The following MAP4K3 variants were observed in gnomAD, a reference collection of about 807,000 sequenced individuals.
The protein encoded by MAP4K3 is mitogen-activated protein kinase kinase kinase kinase 3.
Under a neutral mutation model 143.5 loss-of-function variants are expected in MAP4K3, and 94 were observed. The observed-to-expected ratio is 0.65, with a 90% CI of 0.55 to 0.78. MAP4K3 has a LOEUF of 0.78. Among genes scored for constraint, MAP4K3 ranks in the 30% least tolerant of loss-of-function variants. MAP4K3 has a pLI of 0.00. For missense variants in MAP4K3, 1,077 were observed against 1,068.1 expected (o/e 1.01, Z -0.12); for synonymous variants, 416 against 347.2 (o/e 1.20, Z -2.20).
chr2:39,363,920 C>T (rs1475020997), intron 2 of MAP4K3, among the ~76,000 whole-genome samples: 1 of 145,994 alleles, frequency 6.8e-6, no homozygotes, highest in Non-Finnish European at 1.5e-5. Context: ...AAAAGATGCC[C>T]AACATTACTG....
Position 39,318,492 on chromosome 2 carries a change from A to G in MAP4K3, c.919-3104T>C, listed in dbSNP as rs148451806. ...AAAATGTAGCCTTTAATTTCTAAAC[A>G]TAAATACTCTCATTTTTCCTCTATA... On this transcript the variant is annotated intron_variant, in intron 12 of 33. Transcript: ENST00000263881. 2.5e-3 allele frequency among the ~76,000 whole-genome samples: 384 copies of G among 152,300 alleles called. 3 individuals are homozygous for G. The highest frequency in any genetic ancestry group is 9.0e-3 in the African/African-American group (374 of 41,576).
chr2:39,403,216 A>G (rs1666997341), intron 1 of MAP4K3, among the ~76,000 whole-genome samples: 1 of 152,316 alleles, frequency 6.6e-6, no homozygotes, highest in African/African-American at 2.4e-5. Context: ...CCACCCACTG[A>G]CACCCAGCAG....
At chr2:39,302,281 C>T (rs1457263560) in intron 15 of MAP4K3, among the ~76,000 whole-genome samples, 2 of 152,130 alleles carry the variant, frequency 1.3e-5, no homozygotes, top group East Asian at 1.9e-4. Flanking sequence ...TTAACAATTT[C>T]TTCTCCTTAA....
At position 39,272,558 on chromosome 2, in the gene MAP4K3, C is replaced by A; in HGVS notation, c.1795-16G>T. 1 of 1,608,402 alleles carries A rather than the reference C, an allele frequency of 6.2e-7. No individual in the cohort carries two copies. The highest frequency in any genetic ancestry group is 8.5e-7 in the Non-Finnish European group (1 of 1,175,504). On this transcript the variant is annotated splice_polypyrimidine_tract_variant and intron_variant, in intron 24 of 33. Coordinates refer to ENST00000263881, the MANE Select transcript of MAP4K3 (RefSeq NM_003618.4). Reference sequence around the variant, plus strand: ...GAGGGAATAGCTGATTAAAAAAAGGCACAAAGTTTACAAAGAATAATACAT... The same window carrying A: ...GAGGGAATAGCTGATTAAAAAAAGGAACAAAGTTTACAAAGAATAATACAT...
intron 28 of MAP4K3, among the ~76,000 whole-genome samples, chr2:39,263,424 C>A (rs1034888908): frequency 6.9e-6 from 1 of 144,454 alleles, no homozygotes; most frequent in Non-Finnish European, 1.5e-5. Flanking sequence ...AGGCGCCCAC[C>A]ATCACGCCCG....
intron 5 of MAP4K3, 150 bp from the exon 6 acceptor site, chr2:39,337,117 T>C: frequency 2.2e-6 from 1 of 454,048 alleles, no homozygotes; most frequent in Admixed American, 4.4e-5. Flanking sequence ...TAATGAGATA[T>C]CCTAAAAAAA....
At position 39,396,498 on chromosome 2, in the gene MAP4K3, T is replaced by G. The variant is rs1052738971; in HGVS notation, c.97-18375A>C. ...CCCCAATTTTTTTTTTTTTTTTTTTTAAGCAGAGTCTCACTTTGTCGCCCA... is the reference window on the plus strand; with the variant it reads ...CCCCAATTTTTTTTTTTTTTTTTTTGAAGCAGAGTCTCACTTTGTCGCCCA... On this transcript the variant is annotated intron_variant, in intron 1 of 33. Transcript: ENST00000263881. Among the ~76,000 whole-genome samples, 148 of 151,218 alleles carry G rather than the reference T, an allele frequency of 9.8e-4. 1 individual carries two copies. Among genetic ancestry groups the G allele is most frequent in the African/African-American group, 3.2e-3 (133 of 41,232 alleles).
At chr2:39,392,045 G>A (rs568662636) in intron 1 of MAP4K3, among the ~76,000 whole-genome samples, 1 of 151,874 alleles carries the variant, frequency 6.6e-6, no homozygotes, top group South Asian at 2.1e-4. Flanking sequence ...GCTGGGCATG[G>A]TAGGTAGCGC....
At chr2:39,375,784 A>C (rs141827247) in intron 2 of MAP4K3, among the ~76,000 whole-genome samples, 2 of 152,294 alleles carry the variant, frequency 1.3e-5, no homozygotes, top group Admixed American at 6.5e-5. Context: ...CACCAGATTA[A>C]CTTTCTGACA....
intron 1 of MAP4K3, among the ~76,000 whole-genome samples, chr2:39,413,422 A>G (rs1489447391): frequency 6.6e-6 from 1 of 152,052 alleles, no homozygotes; most frequent in Non-Finnish European, 1.5e-5. Flanking sequence ...TGGAAATGCC[A>G]GTGCAGCCCA....
intron 12 of MAP4K3, among the ~76,000 whole-genome samples, chr2:39,321,320 CTG>C (rs900309341): frequency 2.6e-5 from 4 of 152,262 alleles, no homozygotes; most frequent in African/African-American, 9.6e-5. Flanking sequence ...GAAACATGTG[CTG>C]TGTCAAACTC....
At chr2:39,429,712 T>C (rs1665225069) in intron 1 of MAP4K3, among the ~76,000 whole-genome samples, 1 of 152,212 alleles carries the variant, frequency 6.6e-6, no homozygotes, top group South Asian at 2.1e-4. Context: ...CTTGAAAAGC[T>C]GATTCAAAAA....
intron 1 of MAP4K3, among the ~76,000 whole-genome samples, chr2:39,389,995 G>A (rs536546047): frequency 4.6e-5 from 7 of 152,304 alleles, no homozygotes; most frequent in South Asian, 2.1e-4. Context: ...TACAGTTTGC[G>A]AAGTGGACAG....
At chr2:39,347,544 T>C (rs563875654) in intron 3 of MAP4K3, among the ~76,000 whole-genome samples, 9 of 152,294 alleles carry the variant, frequency 5.9e-5, no homozygotes, top group African/African-American at 1.9e-4. Context: ...ACAATAAATG[T>C]AAGTTGTTTT....
chr2:39,330,289 G>C (rs552620404), intron 8 of MAP4K3, among the ~76,000 whole-genome samples: 1 of 152,104 alleles, frequency 6.6e-6, no homozygotes, highest in Non-Finnish European at 1.5e-5. Context: ...ATAGATCATA[G>C]ATAATGGTAT....
chr2:39,307,443 G>A (rs1321864777), intron 15 of MAP4K3, among the ~76,000 whole-genome samples: 1 of 151,800 alleles, frequency 6.6e-6, no homozygotes, highest in Non-Finnish European at 1.5e-5. Context: ...TGATTTCATT[G>A]TTAATGTAGG....
chr2:39,397,376 CTT>C (rs1484256969), intron 1 of MAP4K3, among the ~76,000 whole-genome samples: 1 of 152,114 alleles, frequency 6.6e-6, no homozygotes, highest in Non-Finnish European at 1.5e-5. Context: ...AAAATAAAGA[CTT>C]CATTTCCAAT....
chr2:39,294,507 C>T (rs1682189497), intron 16 of MAP4K3, among the ~76,000 whole-genome samples: 1 of 152,202 alleles, frequency 6.6e-6, no homozygotes, highest in Non-Finnish European at 1.5e-5. Context: ...AAAGCAGGAG[C>T]TTCTGTCTAG....
chr2:39,289,910 C>G (rs1030689255), intron 19 of MAP4K3, among the ~76,000 whole-genome samples: 2 of 152,010 alleles, frequency 1.3e-5, no homozygotes, highest in African/African-American at 4.8e-5. Context: ...CATGGCAAAA[C>G]CCAGTCTCTA....
Sources: allele counts gnomAD v4.1 joint callset (sites outside exome capture counted in the v4.1 genomes callset), GRCh38; gene constraint gnomAD v4.1.1; transcripts MANE v1.5; gene names NCBI Gene and HGNC (gene_info 2026-07-23, HGNC 2026-07-21).